IPO11: variants seen among roughly 807,000 people sequenced by gnomAD.
The protein encoded by IPO11 is importin-11.
A neutral mutation model predicts 143.2 loss-of-function variants in IPO11; 66 were observed. That is an observed-to-expected ratio of 0.46 (90% CI 0.38 to 0.57). IPO11 has a LOEUF of 0.57. Among genes scored for constraint, IPO11 ranks in the 20% least tolerant of loss-of-function variants. IPO11 has a pLI of 0.00. For missense variants in IPO11, 1,026 were observed against 1,141.0 expected (o/e 0.90, Z 1.45); for synonymous variants, 385 against 377.8 (o/e 1.02, Z -0.22).
At chr5:62,561,339 G>A in intron 27 of IPO11, 82 bp downstream of exon 27, 1 of 582,570 alleles carries the variant, frequency 1.7e-6, no homozygotes, top group Non-Finnish European at 2.5e-6. Context: ...ATTGCTGTGT[G>A]TTGCTGGGCA....
At chr5:62,613,232 G>A (rs1475573657) in intron 29 of IPO11, among the ~76,000 whole-genome samples, 2 of 149,396 alleles carry the variant, frequency 1.3e-5, no homozygotes, top group African/African-American at 2.5e-5. Context: ...TTTTAAATAA[G>A]AGTCCCATGG....
chr5:62,474,931 G>C (rs1009617952), intron 8 of IPO11, among the ~76,000 whole-genome samples: 3 of 152,164 alleles, frequency 2.0e-5, no homozygotes, highest in Non-Finnish European at 1.5e-5. Flanking sequence ...GAGTGGGTCA[G>C]CTTGAGATTT....
At chr5:62,437,484 A>C in intron 2 of IPO11, 67 bp downstream of exon 2, 1 of 1,394,632 alleles carries the variant, frequency 7.2e-7, no homozygotes, top group Non-Finnish European at 9.7e-7. Flanking sequence ...TTGTTTTAAA[A>C]CCCTAGTTTT....
At chr5:62,520,616 G>A (rs1487563139) in intron 20 of IPO11, among the ~76,000 whole-genome samples, 1 of 152,172 alleles carries the variant, frequency 6.6e-6, no homozygotes, top group Non-Finnish European at 1.5e-5. Context: ...GAGTGAGAAC[G>A]TGCTGTGTTT....
intron 12 of IPO11, 56 bp from the exon 13 acceptor site, chr5:62,487,715 T>TA: frequency 7.4e-7 from 1 of 1,358,008 alleles, no homozygotes; most frequent in Non-Finnish European, 9.6e-7. Context: ...ATTAAAGAAT[T>TA]AGTCAATATA....
intron 5 of IPO11, among the ~76,000 whole-genome samples, chr5:62,459,486 G>A (rs1745282166): frequency 6.6e-6 from 1 of 152,034 alleles, no homozygotes; most frequent in Non-Finnish European, 1.5e-5. Context: ...TAAAGCTTCT[G>A]GCTTGATACA....
intron 29 of IPO11, among the ~76,000 whole-genome samples, chr5:62,609,137 C>G (rs1265136142): frequency 6.6e-6 from 1 of 152,346 alleles, no homozygotes; most frequent in Non-Finnish European, 1.5e-5. Flanking sequence ...CACGTCCTGC[C>G]AGATCCTCTC....
At chr5:62,623,490 CAAG>C (rs1254023119) in intron 29 of IPO11, among the ~76,000 whole-genome samples, 1 of 152,068 alleles carries the variant, frequency 6.6e-6, no homozygotes, top group African/African-American at 2.4e-5. Flanking sequence ...GGATCTCACA[CAAG>C]AAAGAATTCA....
intron 24 of IPO11, among the ~76,000 whole-genome samples, chr5:62,544,637 A>G (rs560639676): frequency 4.6e-5 from 7 of 152,304 alleles, no homozygotes; most frequent in Admixed American, 1.3e-4. Flanking sequence ...ATGATATTCA[A>G]TTAGGAAAAG....
intron 7 of IPO11, among the ~76,000 whole-genome samples, chr5:62,471,894 C>A (rs1320996258): frequency 6.6e-6 from 1 of 152,124 alleles, no homozygotes; most frequent in East Asian, 1.9e-4. Context: ...GTTTTCTAAT[C>A]TCTTTAGGAT....
At chr5:62,625,407 C>T (rs1424811759) in intron 29 of IPO11, among the ~76,000 whole-genome samples, 3 of 152,198 alleles carry the variant, frequency 2.0e-5, no homozygotes, top group Non-Finnish European at 2.9e-5. Context: ...TACTGAGCCA[C>T]GTGCTCATTA....
intron 27 of IPO11, chr5:62,578,792 T>TAA (rs746071621): frequency 7.1e-3 from 2,390 of 336,920 alleles, no homozygotes; most frequent in South Asian, 0.012. Flanking sequence ...AACGGTGACT[T>TAA]AAAAAAAAAA....
rs369567460 is a variant in IPO11, at chr5:62,591,541, T to G, written c.2583-36T>G. Reference sequence around the variant, plus strand: ...AAAAACAAAAAGAATTAATCTAGTATTCCAGTTAACCTGTTTTGCTTTTCT... The same window carrying G: ...AAAAACAAAAAGAATTAATCTAGTAGTCCAGTTAACCTGTTTTGCTTTTCT... On this transcript the variant is annotated intron_variant, in intron 27 of 29. Transcript: ENST00000325324. 3.3e-6 allele frequency: 4 copies of G among 1,209,478 alleles called. No homozygotes were observed. The African/African-American group carries it at 6.2e-5, about 19-fold the overall frequency. The allele number at this position is 1,209,478 out of a possible 1,614,324, so 74.9% of individuals were successfully genotyped here. A position where few individuals can be genotyped will look rare whatever the true frequency, so the allele number is the denominator to read the frequency against.
chr5:62,463,626 G>T (rs1753681499), intron 5 of IPO11, among the ~76,000 whole-genome samples: 1 of 151,428 alleles, frequency 6.6e-6, no homozygotes, highest in African/African-American at 2.4e-5. Flanking sequence ...AGCCGTGATT[G>T]CGCCACTGCA....
chr5:62,601,962 C>A, intron 29 of IPO11, 114 bp downstream of exon 29: 1 of 563,192 alleles, frequency 1.8e-6, no homozygotes, highest in South Asian at 3.5e-5. Context: ...TCCATCTATC[C>A]CATGTTACAG....
intron 16 of IPO11, among the ~76,000 whole-genome samples, chr5:62,494,345 A>G (rs1275027569): frequency 1.3e-5 from 2 of 152,176 alleles, no homozygotes; most frequent in Non-Finnish European, 2.9e-5. Context: ...CTCTACTATT[A>G]TAAAGTAATT....
At chr5:62,614,714 G>A (rs573459329) in intron 29 of IPO11, among the ~76,000 whole-genome samples, 23 of 152,298 alleles carry the variant, frequency 1.5e-4, no homozygotes, top group Non-Finnish European at 2.6e-4. Context: ...GTGTGCGTGT[G>A]TGTGTGTGTG....
intron 29 of IPO11, among the ~76,000 whole-genome samples, chr5:62,607,168 T>A (rs1561384930): frequency 6.6e-6 from 1 of 152,194 alleles, no homozygotes; most frequent in Non-Finnish European, 1.5e-5. Context: ...TTTCCCCTCC[T>A]TTACTCATCA....
intron 22 of IPO11, among the ~76,000 whole-genome samples, chr5:62,535,361 C>T (rs965886673): frequency 2.0e-5 from 3 of 151,876 alleles, no homozygotes; most frequent in African/African-American, 7.3e-5. Context: ...CTTTTCATGG[C>T]GATGGCCAGT....
Sources: gnomAD v4.1 joint callset for allele counts (sites outside exome capture counted in the v4.1 genomes callset) on GRCh38, gnomAD v4.1.1 for gene constraint, MANE v1.5 for transcripts, NCBI Gene and HGNC (gene_info 2026-07-23, HGNC 2026-07-21) for gene names.